The following LYZL1 variants were observed in gnomAD, a reference collection of about 807,000 sequenced individuals.
LYZL1 encodes the protein lysozyme-like protein 1.
LYZL1 carries 16 observed loss-of-function variants against 17.9 expected under a neutral mutation model. The ratio of observed to expected loss-of-function variants is 0.90; its 90% CI spans 0.61 to 1.36. The LOEUF (loss-of-function observed/expected upper bound fraction) is 1.36. Among genes scored for constraint, LYZL1 ranks in the 40% most tolerant of loss-of-function variants. The probability of loss-of-function intolerance (pLI) is 0.00; values close to 1 mark genes in which losing one functional copy is unlikely to be tolerated. For missense variants in LYZL1, 149 were observed against 188.4 expected, an observed-to-expected ratio of 0.79 and a Z score of 1.22; for synonymous variants, 58 against 71.8, an observed-to-expected ratio of 0.81 and a Z score of 0.97.
At chr10:29,300,505 C>T (rs1428562689) in intron 3 of LYZL1, among the ~76,000 whole-genome samples, 1 of 151,984 alleles carries the variant, frequency 6.6e-6, no homozygotes, top group Non-Finnish European at 1.5e-5. Context: ...ATTATCTTTG[C>T]TTTAAACAAT....
chr10:29,314,144 A>G (rs1835703352), downstream of LYZL1, among the ~76,000 whole-genome samples: 2 of 151,986 alleles, frequency 1.3e-5, no homozygotes, highest in South Asian at 2.1e-4. Context: ...CCTGCAGCCT[A>G]TTCAAGCCTG....
intron 1 of LYZL1, among the ~76,000 whole-genome samples, chr10:29,290,190 G>C (rs2817819): frequency 0.84 from 127,278 of 152,192 alleles, 53,322 homozygotes; most frequent in African/African-American, 0.87. Flanking sequence ...AAAATGACAC[G>C]GGATGAACAT....
At chr10:29,291,189 T>G (rs1032122325) in intron 1 of LYZL1, among the ~76,000 whole-genome samples, 1 of 152,216 alleles carries the variant, frequency 6.6e-6, no homozygotes, top group Non-Finnish European at 1.5e-5. Flanking sequence ...AAATAGCCAA[T>G]AAACACATAT....
At chr10:29,290,955 A>G (rs1372184499) in intron 1 of LYZL1, among the ~76,000 whole-genome samples, 4 of 152,086 alleles carry the variant, frequency 2.6e-5, no homozygotes, top group Non-Finnish European at 5.9e-5. Context: ...TCTTCGATAA[A>G]CCCCCAAACA....
At chr10:29,292,729 C>T (rs10826593) in intron 3 of LYZL1, 52 bp downstream of exon 3, 125,751 of 1,561,122 alleles carry the variant, frequency 0.081, 6,251 homozygotes, top group African/African-American at 0.23. Context: ...GCGAGAAAGC[C>T]GACAATGGGA....
At chr10:29,308,204 C>T (rs557371604) in intron 3 of LYZL1, among the ~76,000 whole-genome samples, 1 of 152,320 alleles carries the variant, frequency 6.6e-6, no homozygotes, top group South Asian at 2.1e-4. Flanking sequence ...ACAGTACCTG[C>T]CACCTGCTTC....
At chr10:29,309,625 T>C (rs969559448) in intron 3 of LYZL1, among the ~76,000 whole-genome samples, 2 of 152,048 alleles carry the variant, frequency 1.3e-5, no homozygotes, top group Non-Finnish European at 2.9e-5. Flanking sequence ...GGCTCCTGAG[T>C]AGTTGGGACT....
intron 3 of LYZL1, among the ~76,000 whole-genome samples, chr10:29,301,438 T>C (rs988691142): frequency 6.6e-6 from 1 of 152,168 alleles, no homozygotes; most frequent in East Asian, 1.9e-4. Flanking sequence ...GCTCAAGTGA[T>C]CCTCAGCCTC....
In LYZL1 at chr10:29,291,421, CAG is replaced by C. The variant is rs1835363342; in HGVS notation, c.-25-420_-25-419del. Among the ~76,000 whole-genome samples, 3 of 151,274 alleles carry C rather than the reference CAG, an allele frequency of 2.0e-5. No homozygotes were observed. In the South Asian group the frequency reaches 6.3e-4, roughly 32 times the overall value. On this transcript the variant is annotated intron_variant, in intron 1 of 4. Transcript: ENST00000649382. ...TCTTGCTGTCTCGGGGTGGCAGAGG[CAG>C]AAGAAAATTCACGGATAAATGGACC...
intron 3 of LYZL1, among the ~76,000 whole-genome samples, chr10:29,303,519 A>C (rs1835549647): frequency 6.6e-6 from 1 of 152,166 alleles, no homozygotes; most frequent in Non-Finnish European, 1.5e-5. Flanking sequence ...AATGCAGATT[A>C]CTAATTTAAC....
chr10:29,293,132 T>TC lies in LYZL1; in HGVS notation c.298+455_298+456insC, dbSNP rs1195621018. 9.5e-5 allele frequency among the ~76,000 whole-genome samples: 11 copies of TC among 115,842 alleles called. 1 individual carries two copies. The highest frequency in any genetic ancestry group is 1.8e-4 in the Non-Finnish European group (10 of 55,084). The allele number at this position is 115,842 out of a possible 152,430, so 76.0% of individuals were successfully genotyped here. A position where few individuals can be genotyped will look rare whatever the true frequency, so the allele number is the denominator to read the frequency against. On this transcript the variant is annotated intron_variant, in intron 3 of 4. Transcript: ENST00000649382. The stretch of plus-strand genomic sequence containing the variant: ...CTTTTTTTTTCTTTTCTTTTCTTTT[T>TC]TCTTTTTTTTTTTTTTTTGAGACAG...
chr10:29,295,341 T>C (rs180704398), intron 3 of LYZL1, among the ~76,000 whole-genome samples: 10 of 152,336 alleles, frequency 6.6e-5, no homozygotes, highest in Non-Finnish European at 1.2e-4. Flanking sequence ...ATGCAAATGA[T>C]TTATAAGTAC....
chr10:29,311,073 C>T lies in LYZL1; in HGVS notation c.*14C>T, dbSNP rs1588664674. 10 of 1,614,150 alleles carry T rather than the reference C, an allele frequency of 6.2e-6. No individual in the cohort carries two copies. In the East Asian group the frequency reaches 2.2e-4, roughly 36 times the overall value. On this transcript the variant is annotated 3_prime_UTR_variant, in exon 5 of 5. Coordinates refer to ENST00000649382, the MANE Select transcript of LYZL1 (RefSeq NM_032517.6). Reference sequence around the variant, plus strand: ...GAGGTTTCCTAAACTGGAACTGGACCCAGGATGCTTTGCAGCAACGCCCTA... The same window carrying T: ...GAGGTTTCCTAAACTGGAACTGGACTCAGGATGCTTTGCAGCAACGCCCTA...
chr10:29,292,406 G>T (rs1370836204), intron 2 of LYZL1, 113 bp from the exon 3 acceptor site: 13 of 1,484,450 alleles, frequency 8.8e-6, no homozygotes, highest in Non-Finnish European at 8.1e-6. Flanking sequence ...CCTGCCCAAG[G>T]TGTATTGGGA....
At chr10:29,304,266 A>G (rs954251049) in intron 3 of LYZL1, among the ~76,000 whole-genome samples, 1 of 152,202 alleles carries the variant, frequency 6.6e-6, no homozygotes, top group Non-Finnish European at 1.5e-5. Context: ...GACAGTATTT[A>G]CCCCCAACAG....
chr10:29,303,883 G>A lies in LYZL1; in HGVS notation c.299-6227G>A, dbSNP rs117171644. Among the ~76,000 whole-genome samples, 361 of 152,310 alleles carry A rather than the reference G, an allele frequency of 2.4e-3. 4 individuals carry two copies. The highest frequency in any genetic ancestry group is 3.6e-3 in the Admixed American group (55 of 15,304). On this transcript the variant is annotated intron_variant, in intron 3 of 4. Coordinates refer to ENST00000649382, the MANE Select transcript of LYZL1 (RefSeq NM_032517.6). ...AGGGTGTGTTTACAAGGTACGTGAC[G>A]TTATATGCATGTACAGCATGGATAC...
chr10:29,299,875 C>G (rs1835494448), intron 3 of LYZL1, among the ~76,000 whole-genome samples: 1 of 152,146 alleles, frequency 6.6e-6, no homozygotes, highest in African/African-American at 2.4e-5. Flanking sequence ...TATATCCATT[C>G]TGGTAATTAC....
At position 29,310,094 on chromosome 10, in the gene LYZL1, C is replaced by T. The variant is rs761012851; in HGVS notation, c.299-16C>T. 2 of 1,596,688 alleles carry T rather than the reference C, an allele frequency of 1.3e-6. No homozygotes were observed. Among genetic ancestry groups the T allele is most frequent in the Non-Finnish European group, 1.7e-6 (2 of 1,165,338 alleles). Reference sequence around the variant, plus strand: ...ACAAAGTCTCGCCTAACCCTGATGTCTTCTCTCTTTTACAGCCTTGATCAC... The same window carrying T: ...ACAAAGTCTCGCCTAACCCTGATGTTTTCTCTCTTTTACAGCCTTGATCAC... On this transcript the variant is annotated splice_polypyrimidine_tract_variant and intron_variant, in intron 3 of 4. Coordinates refer to ENST00000649382, the MANE Select transcript of LYZL1 (RefSeq NM_032517.6).
chr10:29,311,421 G>T (rs1164978631), downstream of LYZL1, among the ~76,000 whole-genome samples: 1 of 152,032 alleles, frequency 6.6e-6, no homozygotes, highest in African/African-American at 2.4e-5. Context: ...TCAGAAACAG[G>T]ACACATGCAG....
Sources: allele counts gnomAD v4.1 joint callset (sites outside exome capture counted in the v4.1 genomes callset), GRCh38; gene constraint gnomAD v4.1.1; transcripts MANE v1.5; gene names NCBI Gene and HGNC (gene_info 2026-07-23, HGNC 2026-07-21).